MBP: variants seen among roughly 807,000 people sequenced by gnomAD.
The protein encoded by MBP is myelin basic protein, also known as Golli-MBP.
Under a neutral mutation model 35.8 loss-of-function variants are expected in MBP, and 16 were observed. The ratio of observed to expected loss-of-function variants is 0.45; its 90% CI spans 0.30 to 0.68. The LOEUF (loss-of-function observed/expected upper bound fraction) is 0.68. Ranked by LOEUF, MBP falls within the 30% of genes least tolerant of loss-of-function variation. The pLI, the probability that MBP is intolerant of heterozygous loss-of-function variation, is 0.08. For missense variants in MBP, 380 were observed against 404.7 expected (o/e 0.94, Z 0.52); for synonymous variants, 143 against 159.6 (o/e 0.90, Z 0.78).
chr18:77,104,443 C>G (rs1976175461), intron 2 of MBP, among the ~76,000 whole-genome samples: 1 of 152,144 alleles, frequency 6.6e-6, no homozygotes, highest in Non-Finnish European at 1.5e-5. Context: ...GGTTATCGAT[C>G]TAGGAGAGGG....
chr18:76,990,390 CAT>C (rs554007997), intron 4 of MBP, among the ~76,000 whole-genome samples: 156 of 152,008 alleles, frequency 1.0e-3, no homozygotes, highest in Non-Finnish European at 1.8e-3. Context: ...TAAGAAGAGA[CAT>C]AAAGGGTAGG....
chr18:77,077,101 C>T (rs1314975381), intron 2 of MBP, among the ~76,000 whole-genome samples: 1 of 152,074 alleles, frequency 6.6e-6, no homozygotes, highest in Admixed American at 6.5e-5. Flanking sequence ...TGGCTCATAC[C>T]TGTAATCCCA....
chr18:77,012,284 C>T (rs1971397762), intron 4 of MBP, among the ~76,000 whole-genome samples: 1 of 152,182 alleles, frequency 6.6e-6, no homozygotes, highest in Admixed American at 6.5e-5. Context: ...TCCCGGGGGG[C>T]CCTGTGGGCA....
At chr18:77,023,529 T>C (rs1002178255) in intron 3 of MBP, among the ~76,000 whole-genome samples, 5 of 152,174 alleles carry the variant, frequency 3.3e-5, no homozygotes, top group Admixed American at 6.5e-5. Context: ...TGGGTTCCAC[T>C]GCCTGCACAA....
In MBP at chr18:77,130,991, T is replaced by C. The variant is rs141141754; in HGVS notation, c.-26+1589A>G. ...TCCAGCATTTACAGCAATTTTTAAC[T>C]GTGTTCTTTTCCCTCAGATTTCTGT... On this transcript the variant is annotated intron_variant, in intron 1 of 8. Coordinates refer to ENST00000355994, the MANE Select transcript of MBP (RefSeq NM_001025101.2). Among the ~76,000 whole-genome samples, 250 of 149,994 alleles carry C rather than the reference T, an allele frequency of 1.7e-3. 2 individuals are homozygous for C. Among genetic ancestry groups the C allele is most frequent in the African/African-American group, 6.0e-3 (242 of 40,622 alleles).
chr18:77,058,525 CACAGGGG>C (rs1973835993), intron 3 of MBP, among the ~76,000 whole-genome samples: 1 of 152,222 alleles, frequency 6.6e-6, no homozygotes. Flanking sequence ...ATGCGACGCC[CACAGGGG>C]ACGAGCTGTT....
chr18:76,996,709 G>A (rs1287671322), intron 4 of MBP, among the ~76,000 whole-genome samples: 1 of 152,106 alleles, frequency 6.6e-6, no homozygotes, highest in East Asian at 1.9e-4. Context: ...GGGGCAGGGA[G>A]TGGAGGGAGG....
Position 76,980,159 on chromosome 18 carries a change from G to A in MBP, c.*268C>T, listed in dbSNP as rs1969097116. ...CACCTGGCCCCCTGAAGACCCACGT[G>A]CGTCTGGGGGCACATTGCGGGGGAA... On this transcript the variant is annotated 3_prime_UTR_variant, in exon 9 of 9. Transcript: ENST00000355994. 2 of 642,722 alleles carry A rather than the reference G, an allele frequency of 3.1e-6. No individual in the cohort carries two copies. The highest frequency in any genetic ancestry group is 3.5e-5 in the South Asian group (2 of 57,158). 39.8% of individuals were successfully genotyped at this position (642,722 alleles called of 1,614,324 possible). A position where few individuals can be genotyped will look rare whatever the true frequency, so the allele number is the denominator to read the frequency against.
At chr18:77,069,155 T>G in intron 2 of MBP, 1 of 437,712 alleles carries the variant, frequency 2.3e-6, no homozygotes, top group Non-Finnish European at 4.6e-6. Context: ...TTCCCAACCC[T>G]CAGGCCTAGC....
Position 77,131,477 on chromosome 18 carries a change from C to G in MBP, c.-26+1103G>C, listed in dbSNP as rs959033009. On this transcript the variant is annotated intron_variant, in intron 1 of 8. Transcript: ENST00000355994. This position sits in a 1 kb window ranked among gnomAD's most constrained non-coding sequence, Gnocchi z 5.5. ...TCCACGCCCCCTCCCCACCCCAGCA[C>G]CCAGCGAGCCCACGCGCCCCTCACC... 10 of 152,166 alleles carry G rather than the reference C, an allele frequency of 6.6e-5. No homozygotes were observed. Among genetic ancestry groups the G allele is most frequent in the African/African-American group, 2.4e-4 (10 of 41,408 alleles). 9.4% of individuals were successfully genotyped at this position (152,166 alleles called of 1,614,324 possible).
chr18:77,041,516 T>C (rs1296476811), intron 3 of MBP, among the ~76,000 whole-genome samples: 1 of 152,076 alleles, frequency 6.6e-6, no homozygotes, highest in African/African-American at 2.4e-5. Context: ...TAGCAAAGAC[T>C]TGGAACCAAC....
intron 2 of MBP, among the ~76,000 whole-genome samples, chr18:77,088,903 G>T (rs1017837672): frequency 6.6e-6 from 1 of 152,228 alleles, no homozygotes; most frequent in African/African-American, 2.4e-5. Flanking sequence ...AGATCAGTCT[G>T]CATGGGCTAC....
chr18:77,071,234 A>G (rs1056291164), intron 2 of MBP, among the ~76,000 whole-genome samples: 2 of 152,206 alleles, frequency 1.3e-5, no homozygotes, highest in Non-Finnish European at 2.9e-5. Context: ...AAGGTGTTGA[A>G]ACATGTTACA....
chr18:77,133,080 G>A (rs1454463227), upstream of MBP, among the ~76,000 whole-genome samples: 13 of 152,064 alleles, frequency 8.5e-5, no homozygotes, highest in Non-Finnish European at 1.3e-4. Context: ...TCGGAGGCTT[G>A]GCCTCCGAAC....
chr18:77,062,938 G>A lies in MBP; in HGVS notation c.139+3360C>T, dbSNP rs145769666. Among the ~76,000 whole-genome samples, 1,322 of 152,184 alleles carry A rather than the reference G, an allele frequency of 8.7e-3. 9 individuals carry two copies. The highest frequency in any genetic ancestry group is 0.013 in the South Asian group (65 of 4,820). On this transcript the variant is annotated intron_variant, in intron 3 of 8. Coordinates refer to ENST00000355994, the MANE Select transcript of MBP (RefSeq NM_001025101.2). Reference sequence around the variant, plus strand: ...TTTCTGCCCATTTCTCACATTCCTCGCTCATTCTTCTGATGCGTGGATGAA... The same window carrying A: ...TTTCTGCCCATTTCTCACATTCCTCACTCATTCTTCTGATGCGTGGATGAA...
At chr18:77,017,940 A>G (rs1971741311) in intron 3 of MBP, among the ~76,000 whole-genome samples, 1 of 152,232 alleles carries the variant, frequency 6.6e-6, no homozygotes, top group South Asian at 2.1e-4. Flanking sequence ...TCTCCAAAAA[A>G]TACCACATTT....
chr18:77,036,904 G>A (rs1309123171), intron 3 of MBP, among the ~76,000 whole-genome samples: 1 of 96,334 alleles, frequency 1.0e-5, no homozygotes, highest in Non-Finnish European at 2.0e-5. Flanking sequence ...AGCTGAGCAA[G>A]TGCTGGTCAC....
intron 2 of MBP, among the ~76,000 whole-genome samples, chr18:77,091,686 A>AC (rs1275615447): frequency 6.7e-6 from 1 of 150,120 alleles, no homozygotes; most frequent in East Asian, 2.0e-4. Context: ...ACATGTATAC[A>AC]CCCCCACATC....
intron 2 of MBP, among the ~76,000 whole-genome samples, chr18:77,082,710 G>A (rs2597296): frequency 0.068 from 3,850 of 56,368 alleles, 120 homozygotes; most frequent in Non-Finnish European, 0.096. Context: ...TGGTCTAGGG[G>A]ACGCCATGTG....
Sources: gnomAD v4.1 joint callset for allele counts (sites outside exome capture counted in the v4.1 genomes callset) on GRCh38, gnomAD v4.1.1 for gene constraint, Gnocchi (gnomAD v3.1) non-coding constraint, MANE v1.5 for transcripts, NCBI Gene and HGNC (gene_info 2026-07-23, HGNC 2026-07-21) for gene names.